The following ZP2 variants were observed in gnomAD, a reference collection of about 807,000 sequenced individuals.
ZP2 encodes zona pellucida glycoprotein 2.
In ZP2, 51 loss-of-function variants were observed where a neutral mutation model predicts 84.0. The ratio of observed to expected loss-of-function variants is 0.61; its 90% CI spans 0.49 to 0.77. ZP2 has a LOEUF of 0.77. Among genes scored for constraint, ZP2 ranks in the 30% least tolerant of loss-of-function variants. The pLI is 0.00. For synonymous variants in ZP2, 375 were observed against 330.9 expected, an observed-to-expected ratio of 1.13 and a Z score of -1.45; for missense variants, 909 against 911.9, an observed-to-expected ratio of 1.00 and a Z score of 0.04.
chr16:21,201,872 G>A (rs1246139809), intron 12 of ZP2, 42 bp from the exon 13 acceptor site: 3 of 1,612,620 alleles, frequency 1.9e-6, no homozygotes, highest in East Asian at 2.2e-5. Context: ...AAAATTTCAG[G>A]TTAAAAAATT....
In ZP2 at chr16:21,203,732, T is replaced by C. The variant is rs74012126; in HGVS notation, c.972+298A>G. ...TTCGTTGACCAGGACAGATTCATCA[T>C]TAGGTATTTGACAAGTAGTTGCTAC... On this transcript the variant is annotated intron_variant, in intron 9 of 18. Coordinates refer to ENST00000574091, the MANE Select transcript of ZP2 (RefSeq NM_001376232.1). The C allele has an allele frequency of 5.5e-3, 2,513 of 460,854 alleles. 55 individuals are homozygous for C. The highest frequency in any genetic ancestry group is 0.044 in the African/African-American group (2,246 of 50,778). The allele number at this position is 460,854 out of a possible 1,614,324, so 28.5% of individuals were successfully genotyped here. A position where few individuals can be genotyped will look rare whatever the true frequency, so the allele number is the denominator to read the frequency against.
rs373646750 is a variant in ZP2 at position 21,211,495 on chromosome 16, G to A, written c.53C>T (p.Ala18Val). 81 of 1,613,986 alleles carry A rather than the reference G, an allele frequency of 5.0e-5. No homozygotes were observed. The highest frequency in any genetic ancestry group is 6.7e-5 in the Non-Finnish European group (79 of 1,180,020). Reference protein sequence around the residue: ...GSWSPSGWFNAGWSTYRSISL... With the variant: ...GSWSPSGWFNVGWSTYRSISL... Reference sequence around the variant, plus strand: ...TTCCAGAATTACTCACCTCCAGCCTGCATTGAACCAGCCTGAGGGACTCCA... The same window carrying A: ...TTCCAGAATTACTCACCTCCAGCCTACATTGAACCAGCCTGAGGGACTCCA... Residue 18 changes from alanine to valine, a missense_variant, in exon 1 of 19, where the codon GCA (alanine) becomes GTA (valine). Ala to Val is a moderately conservative substitution (Grantham distance 64, BLOSUM62 0). Transcript: ENST00000574091.
chr16:21,209,545 A>C, intron 4 of ZP2, 86 bp downstream of exon 4: 1 of 1,264,350 alleles, frequency 7.9e-7, no homozygotes, highest in Non-Finnish European at 1.1e-6. Flanking sequence ...CTTTACTCCA[A>C]AGAGAAAGTT....
intron 16 of ZP2, 100 bp from the exon 17 acceptor site, chr16:21,198,962 GT>G: frequency 5.5e-6 from 6 of 1,084,526 alleles, no homozygotes; most frequent in Non-Finnish European, 8.3e-6. Flanking sequence ...GGAGTATTTT[GT>G]TCATGTGGTT....
At position 21,202,745 on chromosome 16, in the gene ZP2, A is replaced by C. The variant is rs549519707; in HGVS notation, c.1099+380T>G. ...TGCAGATCACATTAAACAGAAGCAC[A>C]TGGTGGAGGCAATGCTAAACAAGAG... On this transcript the variant is annotated intron_variant, in intron 10 of 18. Coordinates refer to ENST00000574091, the MANE Select transcript of ZP2 (RefSeq NM_001376232.1). Among the ~76,000 whole-genome samples, 8 of 150,210 alleles carry C rather than the reference A, an allele frequency of 5.3e-5. 1 individual carries two copies. In the East Asian group the frequency reaches 1.6e-3, roughly 30 times the overall value.
At chr16:21,198,392 T>C (rs937867143) in intron 17 of ZP2, among the ~76,000 whole-genome samples, 4 of 151,562 alleles carry the variant, frequency 2.6e-5, no homozygotes, top group African/African-American at 9.7e-5. Context: ...CAAAACTTTA[T>C]CTCAAAAAGA....
intron 7 of ZP2, among the ~76,000 whole-genome samples, chr16:21,204,622 C>G (rs1216169747): frequency 6.6e-6 from 1 of 152,174 alleles, no homozygotes; most frequent in Non-Finnish European, 1.5e-5. Flanking sequence ...TCACCTGTAG[C>G]CAATGACTTC....
chr16:21,214,421 T>A, upstream of ZP2: 1 of 241,958 alleles, frequency 4.1e-6, no homozygotes, highest in Non-Finnish European at 6.6e-6. Context: ...ACTAAAGTTA[T>A]TACAAAAATG....
At chr16:21,207,125 C>A in intron 4 of ZP2, 135 bp from the exon 5 acceptor site, 1 of 1,008,432 alleles carries the variant, frequency 9.9e-7, no homozygotes. Flanking sequence ...ACCTCATTCC[C>A]GTACCAGGAG....
Position 21,209,632 on chromosome 16 carries a change from A to G in ZP2, c.329T>C (p.Val110Ala), listed in dbSNP as rs759556548. 1 of 1,613,768 alleles carries G rather than the reference A, an allele frequency of 6.2e-7. No individual in the cohort carries two copies. Among genetic ancestry groups the G allele is most frequent in the Non-Finnish European group, 8.5e-7 (1 of 1,179,842 alleles). ...RATYDNCTRR[V>A]HGGHQMTIRV... is the part of the protein sequence containing the mutation. ...GAACTGCTCAAAGCAATGACTTACC[A>G]CTCTCCTGGTACAGTTATCATAGGT... Residue 110 changes from valine to alanine, a missense_variant and splice_region_variant, in exon 4 of 19, where the codon GTG becomes GCG. Coordinates refer to ENST00000574091, the MANE Select transcript of ZP2 (RefSeq NM_001376232.1).
At chr16:21,210,580 TTA>T (rs1414888593) in intron 2 of ZP2, among the ~76,000 whole-genome samples, 1 of 151,954 alleles carries the variant, frequency 6.6e-6, no homozygotes, top group East Asian at 1.9e-4. Flanking sequence ...TTTTATTTAT[TTA>T]TTTATTTATT....
At chr16:21,204,738 A>T (rs2093241902) in intron 7 of ZP2, among the ~76,000 whole-genome samples, 1 of 152,162 alleles carries the variant, frequency 6.6e-6, no homozygotes, top group African/African-American at 2.4e-5. Context: ...GGGAGATAGG[A>T]CTGTTCTTGA....
chr16:21,201,884 C>T (rs778139689), intron 12 of ZP2, 48 bp downstream of exon 12: 1 of 1,612,602 alleles, frequency 6.2e-7, no homozygotes, highest in East Asian at 2.2e-5. Context: ...TAAAAAATTG[C>T]TTGAGTTTAA....
rs927743725 is a variant in ZP2, at chr16:21,211,211, T to A, written c.151+96A>T. 3 of 1,053,292 alleles carry A rather than the reference T, an allele frequency of 2.8e-6. No homozygotes were observed. The Admixed American group carries it at 5.7e-5, about 20-fold the overall frequency. 65.2% of individuals were successfully genotyped at this position (1,053,292 alleles called of 1,614,324 possible). On this transcript the variant is annotated intron_variant, in intron 2 of 18. Transcript: ENST00000574091. ...AGGTAATAAAGGGGGTGAATGGAGG[T>A]TGTCTGAGCCAGGCCTGTGTTTCTT...
intron 16 of ZP2, 72 bp downstream of exon 16, chr16:21,199,498 A>T (rs2093215329): frequency 7.5e-7 from 1 of 1,327,528 alleles, no homozygotes; most frequent in African/African-American, 1.5e-5. Flanking sequence ...CCAGTCCTTA[A>T]GATCTTCTAT....
chr16:21,209,504 G>A (rs560649489), intron 4 of ZP2, 127 bp downstream of exon 4: 75 of 743,658 alleles, frequency 1.0e-4, no homozygotes, highest in Non-Finnish European at 3.4e-5. Flanking sequence ...AGCCACACAC[G>A]AGACACCACC....
Position 21,206,774 on chromosome 16 carries a change from A to T in ZP2, c.483+64T>A, listed in dbSNP as rs1250919361. On this transcript the variant is annotated intron_variant, in intron 5 of 18. Coordinates refer to ENST00000574091, the MANE Select transcript of ZP2 (RefSeq NM_001376232.1). ...CTGATTTCTAAGCCCCGCCCTGGTT[A>T]GATCATCATCATATTCCCCCTGCAG... The T allele has an allele frequency of 2.5e-6, 4 of 1,597,550 alleles. No homozygotes were observed. The African/African-American group carries it at 5.4e-5, about 21-fold the overall frequency.
rs2093225372 is a variant in ZP2, at chr16:21,201,543, T to C, written c.1520A>G (p.Gln507Arg). ...LQSYPDNSYQ[Q>R]PYGENEYPLV... The stretch of plus-strand genomic sequence containing the variant: ...AGGGTACTCGTTTTCCCCATAAGGT[T>C]GTTGGTAGGAATTATCTGAAATTGA... The change falls in exon 14 of 19, where the codon CAA (glutamine) becomes CGA (arginine). Residue 507 changes from glutamine to arginine, a missense_variant. By Grantham distance (43) the Gln-to-Arg change is conservative. Coordinates refer to ENST00000574091, the MANE Select transcript of ZP2 (RefSeq NM_001376232.1). 6.2e-7 allele frequency: 1 copy of C among 1,608,298 alleles called. No individual in the cohort carries two copies. The highest frequency in any genetic ancestry group is 8.5e-7 in the Non-Finnish European group (1 of 1,176,904).
Position 21,199,823 on chromosome 16 carries a change from C to T in ZP2, c.1750G>A (p.Val584Met), listed in dbSNP as rs763474569. 3.1e-6 allele frequency: 5 copies of T among 1,613,596 alleles called. No homozygotes were observed. Among genetic ancestry groups the T allele is most frequent in the Non-Finnish European group, 4.2e-6 (5 of 1,180,008 alleles). Residue 584 changes from valine to methionine, a missense_variant, in exon 15 of 19, where the codon GTG becomes ATG. Physicochemically the swap from Val to Met is conservative, Grantham distance 21 (BLOSUM62 1). Transcript: ENST00000574091. ...CTCTGATAGTGATCAGGATGGGTCA[C>T]AGAGGAGCCGACTGGATGGAAGGTG... is the stretch of plus-strand genomic sequence containing the variant. Reference protein sequence around the residue: ...QTTFHPVGSSVTHPDHYQRFD... With the variant: ...QTTFHPVGSSMTHPDHYQRFD...
Sources: gnomAD v4.1 joint callset for allele counts (sites outside exome capture counted in the v4.1 genomes callset) on GRCh38, gnomAD v4.1.1 for gene constraint, MANE v1.5 for transcripts, NCBI Gene and HGNC (gene_info 2026-07-23, HGNC 2026-07-21) for gene names.